The following WDSUB1 variants were observed in gnomAD, a reference collection of about 807,000 sequenced individuals.
The protein encoded by WDSUB1 is WD repeat, sterile alpha motif and U-box domain containing 1.
In WDSUB1, 49 loss-of-function variants were observed where a neutral mutation model predicts 53.9. The ratio of observed to expected loss-of-function variants is 0.91; its 90% CI spans 0.72 to 1.15. WDSUB1 has a LOEUF of 1.15. Among genes scored for constraint, WDSUB1 ranks in the 50% most tolerant of loss-of-function variants. The pLI, the probability that WDSUB1 is intolerant of heterozygous loss-of-function variation, is 0.00. For synonymous variants in WDSUB1, 194 were observed against 200.6 expected, an observed-to-expected ratio of 0.97 and a Z score of 0.28; for missense variants, 514 against 562.0, an observed-to-expected ratio of 0.91 and a Z score of 0.86.
At chr2:159,280,532 A>G (rs9941638) in intron 2 of WDSUB1, among the ~76,000 whole-genome samples, 62,247 of 148,328 alleles carry the variant, frequency 0.42, 14,347 homozygotes, top group Non-Finnish European at 0.54. Context: ...TCTACTAAAA[A>G]TACAAAAAAT....
intron 1 of WDSUB1, among the ~76,000 whole-genome samples, chr2:159,285,796 C>T (rs1221625433): frequency 1.3e-5 from 2 of 152,198 alleles, no homozygotes; most frequent in Non-Finnish European, 2.9e-5. Context: ...TTTCTTCGAA[C>T]ATAAACTCCA....
At chr2:159,268,013 G>T (rs1171160078) in intron 5 of WDSUB1, among the ~76,000 whole-genome samples, 1 of 152,130 alleles carries the variant, frequency 6.6e-6, no homozygotes, top group Admixed American at 6.5e-5. Context: ...GAATGATTGG[G>T]AAAGACACAT....
Position 159,282,841 on chromosome 2 carries a change from T to G in WDSUB1, c.229A>C (p.Thr77Pro), listed in dbSNP as rs1558884417. ...HILASCSTDG[T>P]TVLWNTENGQ... ...TTTTCAGTATTCCATAGGACAGTGG[T>G]ACCATCTGTTGAACACGATGCCAAA... Residue 77 changes from threonine (T) to proline (P), a missense_variant, in exon 2 of 11, where the codon ACC (threonine) becomes CCC (proline). Physicochemically the swap from Thr to Pro is conservative, Grantham distance 38. Transcript: ENST00000359774. 6.2e-7 allele frequency: 1 copy of G among 1,614,164 alleles called. No homozygotes were observed.
intron 5 of WDSUB1, among the ~76,000 whole-genome samples, chr2:159,268,154 A>C (rs575558355): frequency 2.0e-5 from 3 of 152,378 alleles, no homozygotes; most frequent in South Asian, 4.1e-4. Context: ...GGATAAGTAC[A>C]TGTCAGGGTC....
intron 10 of WDSUB1, among the ~76,000 whole-genome samples, chr2:159,239,837 G>C (rs1559522324): frequency 6.6e-6 from 1 of 152,146 alleles, no homozygotes; most frequent in Admixed American, 6.5e-5. Context: ...CCCCCACCTT[G>C]GGGGCCTGAG....
rs528446277 is a variant in WDSUB1, at chr2:159,246,419, G to A, written c.1273+1953C>T. The stretch of plus-strand genomic sequence containing the variant: ...TGCACTCCAGCCTGGGCAACAGAGC[G>A]AGAGTCTGTCTCAAAAAAAAAAAAA... On this transcript the variant is annotated intron_variant, in intron 10 of 10. Transcript: ENST00000359774. Among the ~76,000 whole-genome samples the A allele has an allele frequency of 1.1e-3, 132 of 123,054 alleles. 1 individual carries two copies. Among genetic ancestry groups the A allele is most frequent in the South Asian group, 9.3e-3 (35 of 3,758 alleles). The allele number at this position is 123,054 out of a possible 152,430, so 80.7% of individuals were successfully genotyped here.
At chr2:159,261,896 ATTTTTTTTTTTTTTTTT>A (rs869067609) in intron 5 of WDSUB1, among the ~76,000 whole-genome samples, 663 of 22,436 alleles carry the variant, frequency 0.03, 9 homozygotes, top group South Asian at 0.056. Flanking sequence ...ATATATATAT[ATTTTTTTTTTTTTTTTT>A]TTTTTTTTTT....
chr2:159,244,044 AT>A (rs1348381956), intron 10 of WDSUB1, among the ~76,000 whole-genome samples: 1 of 152,202 alleles, frequency 6.6e-6, no homozygotes, highest in Non-Finnish European at 1.5e-5. Context: ...AGGAAAAAAA[AT>A]ATGTCAATAG....
chr2:159,235,842 C>G lies in WDSUB1; in HGVS notation c.*191G>C. ...TCTATATAGCTGAAGATTCTTTTCACTAGTACAAAAAGGCTTTTATAGTAA... is the reference window on the plus strand; with the variant it reads ...TCTATATAGCTGAAGATTCTTTTCAGTAGTACAAAAAGGCTTTTATAGTAA... On this transcript the variant is annotated 3_prime_UTR_variant, in exon 11 of 11. Transcript: ENST00000359774. 2.2e-6 allele frequency: 1 copy of G among 444,802 alleles called. No homozygotes were observed. Among genetic ancestry groups the G allele is most frequent in the Non-Finnish European group, 3.8e-6 (1 of 266,324 alleles). 27.6% of individuals were successfully genotyped at this position (444,802 alleles called of 1,614,324 possible). A position where few individuals can be genotyped will look rare whatever the true frequency, so the allele number is the denominator to read the frequency against.
intron 6 of WDSUB1, among the ~76,000 whole-genome samples, 159 bp from the exon 7 acceptor site, chr2:159,258,144 G>C (rs971063684): frequency 1.3e-5 from 2 of 152,150 alleles, no homozygotes; most frequent in Non-Finnish European, 2.9e-5. Context: ...AGCAGAAACA[G>C]CATCTGTAAC....
At chr2:159,255,072 G>A (rs1418616127) in intron 9 of WDSUB1, among the ~76,000 whole-genome samples, 2 of 152,186 alleles carry the variant, frequency 1.3e-5, no homozygotes, top group Non-Finnish European at 2.9e-5. Flanking sequence ...CGAGGCTGTA[G>A]TGAGCTGTGA....
intron 2 of WDSUB1, among the ~76,000 whole-genome samples, chr2:159,280,518 C>T (rs1257575865): frequency 1.3e-5 from 2 of 149,746 alleles, no homozygotes; most frequent in African/African-American, 2.5e-5. Flanking sequence ...GGTGAAACCC[C>T]GTCTCTACTA....
chr2:159,278,606 A>AT (rs1168533617), intron 3 of WDSUB1, among the ~76,000 whole-genome samples: 1 of 152,206 alleles, frequency 6.6e-6, no homozygotes, highest in Non-Finnish European at 1.5e-5. Context: ...ATCTTTAGTG[A>AT]TTTTCAGCCA....
At chr2:159,241,135 G>A (rs1191590887) in intron 10 of WDSUB1, among the ~76,000 whole-genome samples, 1 of 152,112 alleles carries the variant, frequency 6.6e-6, no homozygotes, top group Admixed American at 6.6e-5. Flanking sequence ...AAGCAGAGTG[G>A]GCAGATCAGG....
At position 159,282,669 on chromosome 2, in the gene WDSUB1, T is replaced by A; in HGVS notation, c.398+3A>T. ...AAAACAGGAAGGATTTAAATATCCA[T>A]ACCTATATAATTTGTATGACTGTGC... On this transcript the variant is annotated splice_donor_region_variant and intron_variant, in intron 2 of 10. Transcript: ENST00000359774. 6.2e-7 allele frequency: 1 copy of A among 1,607,764 alleles called. No homozygotes were observed. The highest frequency in any genetic ancestry group is 8.5e-7 in the Non-Finnish European group (1 of 1,174,904).
Position 159,279,844 on chromosome 2 carries a change from T to C in WDSUB1, c.500A>G (p.Asp167Gly). The change falls in exon 3 of 11, where the codon GAT (aspartate) becomes GGT (glycine). Residue 167 changes from aspartate (D) to glycine (G), a missense_variant. Physicochemically the swap from Asp to Gly is moderately conservative, Grantham distance 94 (BLOSUM62 -1). Coordinates refer to ENST00000359774, the MANE Select transcript of WDSUB1 (RefSeq NM_001128212.3). ...ACTATGCAGACACCTCATTTTATCATCCCACACTGTTAAATCACCACATGA... is the reference window on the plus strand; with the variant it reads ...ACTATGCAGACACCTCATTTTATCACCCCACACTGTTAAATCACCACATGA... The part of the protein sequence containing the change: ...GSSCGDLTVW[D>G]DKMRCLHSEK... The C allele has an allele frequency of 2.5e-6, 4 of 1,613,060 alleles. No individual in the cohort carries two copies. The highest frequency in any genetic ancestry group is 1.3e-5 in the African/African-American group (1 of 75,044).
In WDSUB1 at chr2:159,282,685, A is replaced by G; in HGVS notation, c.385T>C (p.Tyr129His). 6.2e-7 allele frequency: 1 copy of G among 1,611,050 alleles called. No individual in the cohort carries two copies. The highest frequency in any genetic ancestry group is 8.5e-7 in the Non-Finnish European group (1 of 1,177,388). The change falls in exon 2 of 11, where the codon TAC becomes CAC. Residue 129 changes from tyrosine (Y) to histidine (H), a missense_variant. Tyr to His is a moderately conservative substitution (Grantham distance 83). Coordinates refer to ENST00000359774, the MANE Select transcript of WDSUB1 (RefSeq NM_001128212.3). ...GTVVLWNAQS[Y>H]KLYRCGSVKD... is the part of the protein sequence containing the mutation. ...AAATATCCATACCTATATAATTTGT[A>G]TGACTGTGCATTCCACAAAACCACA... is the stretch of plus-strand genomic sequence containing the variant.
chr2:159,250,296 CTG>C (rs765572861), intron 9 of WDSUB1, among the ~76,000 whole-genome samples: 1 of 152,092 alleles, frequency 6.6e-6, no homozygotes, highest in Non-Finnish European at 1.5e-5. Context: ...TGAAATGAAA[CTG>C]AGGATTTTTA....
chr2:159,274,641 T>C (rs1301434671), intron 4 of WDSUB1, among the ~76,000 whole-genome samples: 1 of 150,632 alleles, frequency 6.6e-6, no homozygotes, highest in African/African-American at 2.5e-5. Flanking sequence ...GAGTGTCTAC[T>C]CCCTAAGTCC....
Sources: allele counts gnomAD v4.1 joint callset (sites outside exome capture counted in the v4.1 genomes callset), GRCh38; gene constraint gnomAD v4.1.1; transcripts MANE v1.5; gene names NCBI Gene and HGNC (gene_info 2026-07-23, HGNC 2026-07-21).